Variants in TMEM117 observed in about 807,000 individuals in gnomAD.
The protein encoded by TMEM117 is transmembrane protein 117.
Under a neutral mutation model 52.4 loss-of-function variants are expected in TMEM117, and 27 were observed. The ratio of observed to expected loss-of-function variants is 0.51; its 90% CI spans 0.38 to 0.71. The LOEUF is 0.71. Among genes scored for constraint, TMEM117 ranks in the 30% least tolerant of loss-of-function variants. TMEM117 has a pLI of 0.00. For missense variants in TMEM117, 556 were observed against 630.5 expected (o/e 0.88, Z 1.26); for synonymous variants, 215 against 206.3 (o/e 1.04, Z -0.36).
intron 3 of TMEM117, among the ~76,000 whole-genome samples, chr12:44,058,882 GT>G (rs112700066): frequency 0.15 from 23,399 of 152,078 alleles, 2,768 homozygotes; most frequent in African/African-American, 0.33. Flanking sequence ...TTATTCAAAG[GT>G]ATCTATAGCA....
intron 5 of TMEM117, among the ~76,000 whole-genome samples, chr12:44,258,931 A>G (rs1011582025): frequency 6.6e-6 from 1 of 152,202 alleles, no homozygotes; most frequent in Non-Finnish European, 1.5e-5. Context: ...GCATAAAGTC[A>G]CCATGGATGT....
rs572515129 is a variant in TMEM117 at position 44,376,648 on chromosome 12, G to A, written c.822G>A (p.Leu274=). ...MGDVDVNLPG[L]HTPHMQFKIP... is the part of the protein sequence containing the mutation. ...ATGTTGATGTAAATCTCCCTGGTTT[G>A]CACACCCCTCACATGCAGTTCAAGA... Residue 274 remains leucine, a synonymous_variant, in exon 7 of 8, where the codon TTG becomes TTA. Transcript: ENST00000266534. 1 of 1,611,956 alleles carries A rather than the reference G, an allele frequency of 6.2e-7. No individual in the cohort carries two copies. The highest frequency in any genetic ancestry group is 1.3e-5 in the African/African-American group (1 of 74,840).
At chr12:43,835,572 A>C (rs1943012372), upstream of TMEM117, among the ~76,000 whole-genome samples, 1 of 152,062 alleles carries the variant, frequency 6.6e-6, no homozygotes, top group African/African-American at 2.4e-5. Flanking sequence ...CCACCCCCAC[A>C]TCCCCACACC....
At chr12:43,877,453 G>A (rs915329858) in intron 2 of TMEM117, among the ~76,000 whole-genome samples, 21 of 151,954 alleles carry the variant, frequency 1.4e-4, no homozygotes, top group African/African-American at 3.9e-4. Context: ...GGCCAACATT[G>A]TGAAATCCTG....
chr12:44,354,853 G>A (rs143049294), intron 6 of TMEM117, among the ~76,000 whole-genome samples: 55 of 151,470 alleles, frequency 3.6e-4, no homozygotes, highest in African/African-American at 1.0e-3. Flanking sequence ...CTTTTAATTC[G>A]GAAAACAATT....
intron 3 of TMEM117, among the ~76,000 whole-genome samples, chr12:43,959,595 G>T (rs992995679): frequency 2.0e-5 from 3 of 152,084 alleles, no homozygotes; most frequent in Non-Finnish European, 4.4e-5. Flanking sequence ...CATTTTTACT[G>T]ATAAGAACAG....
chr12:43,836,812 T>A (rs1474007842), intron 1 of TMEM117, among the ~76,000 whole-genome samples: 1 of 151,028 alleles, frequency 6.6e-6, no homozygotes, highest in East Asian at 1.9e-4. Context: ...TGTGCGTGTG[T>A]GAGAGAGAGA....
intron 5 of TMEM117, among the ~76,000 whole-genome samples, 187 bp downstream of exon 5, chr12:44,211,574 T>G (rs987431790): frequency 6.6e-6 from 1 of 152,208 alleles, no homozygotes; most frequent in East Asian, 1.9e-4. Context: ...TTGTGTATAT[T>G]CACATTTATA....
At chr12:44,359,821 G>T (rs528182804) in intron 6 of TMEM117, among the ~76,000 whole-genome samples, 1 of 151,964 alleles carries the variant, frequency 6.6e-6, no homozygotes, top group Non-Finnish European at 1.5e-5. Flanking sequence ...ATATTTACAC[G>T]TTACAAACTA....
intron 4 of TMEM117, among the ~76,000 whole-genome samples, chr12:44,190,754 A>G (rs186889544): frequency 9.5e-4 from 145 of 151,956 alleles, no homozygotes; most frequent in African/African-American, 3.2e-3. Context: ...CATGATCTGT[A>G]TTTATCCCAA....
chr12:43,907,444 C>A (rs1243960768), intron 2 of TMEM117, among the ~76,000 whole-genome samples: 1 of 151,458 alleles, frequency 6.6e-6, no homozygotes, highest in Non-Finnish European at 1.5e-5. Context: ...AGCGCCTCTC[C>A]TCCTCCAAAG....
intron 6 of TMEM117, among the ~76,000 whole-genome samples, chr12:44,345,254 G>A (rs1438351056): frequency 6.6e-6 from 1 of 152,008 alleles, no homozygotes; most frequent in East Asian, 1.9e-4. Flanking sequence ...TTTCTGGCGG[G>A]AATATTGAGG....
intron 3 of TMEM117, among the ~76,000 whole-genome samples, chr12:43,988,602 A>G (rs1945886583): frequency 6.6e-6 from 1 of 152,048 alleles, no homozygotes; most frequent in Non-Finnish European, 1.5e-5. Flanking sequence ...ATGGTTAGCA[A>G]TGGGAATTGC....
intron 2 of TMEM117, among the ~76,000 whole-genome samples, chr12:43,891,326 T>C (rs1592338077): frequency 6.6e-6 from 1 of 151,284 alleles, no homozygotes; most frequent in Non-Finnish European, 1.5e-5. Context: ...TTTCTGTTCT[T>C]AAGGCATCTT....
chr12:44,128,310 G>T (rs2138159283), intron 3 of TMEM117, among the ~76,000 whole-genome samples: 1 of 152,244 alleles, frequency 6.6e-6, no homozygotes, highest in East Asian at 1.9e-4. Context: ...TCTTCTCTCT[G>T]CCCCCTTCTC....
At chr12:44,236,225 C>T (rs1949995093) in intron 5 of TMEM117, among the ~76,000 whole-genome samples, 1 of 151,792 alleles carries the variant, frequency 6.6e-6, no homozygotes, top group Non-Finnish European at 1.5e-5. Flanking sequence ...GTGCCATTCT[C>T]TTCCACTTTT....
intron 3 of TMEM117, among the ~76,000 whole-genome samples, chr12:44,120,847 G>C (rs973904489): frequency 6.6e-6 from 1 of 152,208 alleles, no homozygotes; most frequent in East Asian, 1.9e-4. Flanking sequence ...CCCTTCATCT[G>C]TGGAGGCCAC....
rs1949750522 is a variant in TMEM117, at chr12:44,218,670, C to G, written c.608+7283C>G. Among the ~76,000 whole-genome samples the G allele has an allele frequency of 5.9e-5, 9 of 152,212 alleles. No individual in the cohort carries two copies. In the South Asian group the frequency reaches 1.5e-3, roughly 25 times the overall value. On this transcript the variant is annotated intron_variant, in intron 5 of 7. Coordinates refer to ENST00000266534, the MANE Select transcript of TMEM117 (RefSeq NM_032256.3). ...AACAAACAAGTCCAAATTGTTGCAC[C>G]CAGACATAGAAAGACATTTAACCTA...
intron 4 of TMEM117, among the ~76,000 whole-genome samples, chr12:44,149,009 C>T (rs1948684432): frequency 6.6e-6 from 1 of 152,184 alleles, no homozygotes; most frequent in African/African-American, 2.4e-5. Flanking sequence ...CACTTCTTCA[C>T]ACTAAATTTG....
Sources: gnomAD v4.1 joint callset for allele counts (sites outside exome capture counted in the v4.1 genomes callset) on GRCh38, gnomAD v4.1.1 for gene constraint, MANE v1.5 for transcripts, NCBI Gene and HGNC (gene_info 2026-07-23, HGNC 2026-07-21) for gene names.